Variants in SLC5A2 observed in about 807,000 individuals in gnomAD.
The protein encoded by SLC5A2 is sodium/glucose cotransporter 2.
Under a neutral mutation model 69.0 loss-of-function variants are expected in SLC5A2, and 67 were observed. The observed-to-expected ratio is 0.97, with a 90% confidence interval of 0.80 to 1.19. SLC5A2 has a LOEUF of 1.19. SLC5A2 is among the 50% of genes most tolerant of loss of function. SLC5A2 has a pLI of 0.00. For missense variants in SLC5A2, 1,001 were observed against 921.5 expected, an observed-to-expected ratio of 1.09 and a Z score of -1.12; for synonymous variants, 455 against 395.8, an observed-to-expected ratio of 1.15 and a Z score of -1.78.
chr16:31,485,535 A>G (rs528645637), intron 3 of SLC5A2, 194 bp from the exon 4 acceptor site: 1 of 633,124 alleles, frequency 1.6e-6, no homozygotes, highest in East Asian at 2.7e-5. Context: ...GGAGGGCTCC[A>G]GTTAAGAGCC....
In SLC5A2 at chr16:31,489,137, A is replaced by C. The variant is rs1270811177; in HGVS notation, c.1464A>C (p.Gly488=). ...PRVNEQGAFW[G]LIGGLLMGLA... ...TTCCTTCGCAGGGCGCCTTCTGGGG[A>C]CTCATCGGGGGCCTGCTGATGGGCC... The change falls in exon 12 of 14, where the codon GGA becomes GGC. Residue 488 remains glycine, a synonymous_variant. Coordinates refer to ENST00000330498, the MANE Select transcript of SLC5A2 (RefSeq NM_003041.4). 5 of 1,608,488 alleles carry C rather than the reference A, an allele frequency of 3.1e-6. No individual in the cohort carries two copies. The highest frequency in any genetic ancestry group is 4.2e-6 in the Non-Finnish European group (5 of 1,179,894).
chr16:31,489,720 G>A, intron 12 of SLC5A2: 1 of 450,666 alleles, frequency 2.2e-6, no homozygotes, highest in Non-Finnish European at 4.1e-6. Flanking sequence ...GTGAGGACAG[G>A]ACAAGAGATC....
At position 31,485,042 on chromosome 16, in the gene SLC5A2, G is replaced by T. The variant is rs575840006; in HGVS notation, c.303+119G>T. The T allele has an allele frequency of 1.0e-4, 95 of 928,082 alleles. 1 individual carries two copies. The highest frequency in any genetic ancestry group is 5.5e-4 in the South Asian group (39 of 71,436). The allele number at this position is 928,082 out of a possible 1,614,324, so 57.5% of individuals were successfully genotyped here. A position where few individuals can be genotyped will look rare whatever the true frequency, so the allele number is the denominator to read the frequency against. Reference sequence around the variant, plus strand: ...TGGCAGTGGGACTTCCCAACTGCGGGGTGTGACTGGGCTGGGAGTGGAGGT... The same window carrying T: ...TGGCAGTGGGACTTCCCAACTGCGGTGTGTGACTGGGCTGGGAGTGGAGGT... On this transcript the variant is annotated intron_variant, in intron 3 of 13. Coordinates refer to ENST00000330498, the MANE Select transcript of SLC5A2 (RefSeq NM_003041.4).
At chr16:31,483,295 G>T (rs1397805042) in intron 1 of SLC5A2, 33 bp downstream of exon 1, 1 of 1,613,364 alleles carries the variant, frequency 6.2e-7, no homozygotes, top group Non-Finnish European at 8.5e-7. Flanking sequence ...GCTGGTGGCT[G>T]CTGGCTTTGG....
intron 6 of SLC5A2, 54 bp downstream of exon 6, chr16:31,487,454 G>C (rs1451010265): frequency 9.9e-6 from 16 of 1,611,226 alleles, no homozygotes; most frequent in African/African-American, 1.3e-5. Context: ...CGGAGCTCTC[G>C]GCCTGCGCGC....
chr16:31,488,044 G>A lies in SLC5A2; in HGVS notation c.892G>A (p.Val298Met), dbSNP rs2082514077. 1.2e-6 allele frequency: 2 copies of A among 1,613,536 alleles called. No homozygotes were observed. Among genetic ancestry groups the A allele is most frequent in the East Asian group, 2.2e-5 (1 of 44,868 alleles). ...CTGAACGCCCCTCCCGTAGGTCATCGTGCAGCGCTGCCTGGCCGGGAAGAG... is the reference window on the plus strand; with the variant it reads ...CTGAACGCCCCTCCCGTAGGTCATCATGCAGCGCTGCCTGGCCGGGAAGAG... Reference protein sequence around the residue: ...GWYWCSDQVIVQRCLAGKSLT... With the variant: ...GWYWCSDQVIMQRCLAGKSLT... Residue 298 changes from valine to methionine, a missense_variant, in exon 8 of 14, where the codon GTG (valine) becomes ATG (methionine). Physicochemically the swap from Val to Met is conservative, Grantham distance 21 (BLOSUM62 1). Coordinates refer to ENST00000330498, the MANE Select transcript of SLC5A2 (RefSeq NM_003041.4).
Position 31,490,584 on chromosome 16 carries a change from G to A in SLC5A2, c.*49G>A. ...AGCCACAGCCTCACAGGAAGTGGGGGTGAGGAGCCTGCGGTGCTCCCCAGA... is the reference window on the plus strand; with the variant it reads ...AGCCACAGCCTCACAGGAAGTGGGGATGAGGAGCCTGCGGTGCTCCCCAGA... On this transcript the variant is annotated 3_prime_UTR_variant, in exon 14 of 14. Coordinates refer to ENST00000330498, the MANE Select transcript of SLC5A2 (RefSeq NM_003041.4). The A allele has an allele frequency of 6.8e-7, 1 of 1,473,840 alleles. No individual in the cohort carries two copies. The highest frequency in any genetic ancestry group is 9.4e-7 in the Non-Finnish European group (1 of 1,066,194). 91.3% of individuals were successfully genotyped at this position (1,473,840 alleles called of 1,614,324 possible).
Position 31,489,282 on chromosome 16 carries a change from TC to T in SLC5A2, c.1610del (p.Ser537LeufsTer60), listed in dbSNP as rs1315824877. 6.2e-7 allele frequency: 1 copy of T among 1,610,770 alleles called. No individual in the cohort carries two copies. The highest frequency in any genetic ancestry group is 8.5e-7 in the Non-Finnish European group (1 of 1,180,032). On this transcript the variant is annotated frameshift_variant, in exon 12 of 14. Coordinates refer to ENST00000330498, the MANE Select transcript of SLC5A2 (RefSeq NM_003041.4). LOFTEE classifies it high-confidence loss of function. ...CTTCGCCATTGTGCTGTTCTTCTGC[TC>T]TGGCCTCCTCACCCTCACGGTCTCC... ...LYFAIVLFFC[S>X]GLLTLTVSLC...
In SLC5A2 at chr16:31,487,718, G is replaced by T. The variant is rs1259695381; in HGVS notation, c.844G>T (p.Gly282Ter). ...GDLPWPALLL[G>*]LTIVSGWYWC... ...TCTGCCGTGGCCCGCGCTGCTCCTC[G>T]GACTCACAATCGTCTCGGGCTGGTA... The change falls in exon 7 of 14, where the codon GGA becomes TGA. Residue 282 changes from glycine (G) to a stop codon, truncating the protein, a stop_gained. Transcript: ENST00000330498. LOFTEE classifies it high-confidence loss of function. 1 of 1,612,562 alleles carries T rather than the reference G, an allele frequency of 6.2e-7. No individual in the cohort carries two copies.
rs1232475109 is a variant in SLC5A2 at position 31,489,217 on chromosome 16, C to G, written c.1544C>G (p.Ser515Trp). 1 of 1,610,112 alleles carries G rather than the reference C, an allele frequency of 6.2e-7. No individual in the cohort carries two copies. Among genetic ancestry groups the G allele is most frequent in the African/African-American group, 1.3e-5 (1 of 74,922 alleles). The part of the protein sequence containing the change: ...SFGSGSCVQP[S>W]ACPAFLCGVH... ...GGCTCGGGCAGCTGTGTGCAGCCCT[C>G]GGCGTGCCCAGCTTTCCTCTGCGGC... Residue 515 changes from serine to tryptophan, a missense_variant, in exon 12 of 14, where the codon TCG (serine) becomes TGG (tryptophan). Coordinates refer to ENST00000330498, the MANE Select transcript of SLC5A2 (RefSeq NM_003041.4).
At position 31,490,634 on chromosome 16, in the gene SLC5A2, GAAGGTCCTGGCTCCCCTTCTCCC is replaced by G. The variant is rs2082558453; in HGVS notation, c.*100_*122del. ...AAAAGGGGAAGGGGCAGTGGGGTGA[GAAGGTCCTGGCTCCCCTTCTCCC>G]GGCCTTCCTCTGCCTGGGGCCCACT... On this transcript the variant is annotated 3_prime_UTR_variant, in exon 14 of 14. Transcript: ENST00000330498. 3 of 1,170,130 alleles carry G rather than the reference GAAGGTCCTGGCTCCCCTTCTCCC, an allele frequency of 2.6e-6. No individual in the cohort carries two copies. 72.5% of individuals were successfully genotyped at this position (1,170,130 alleles called of 1,614,324 possible).
rs749157030 is a variant in SLC5A2, at chr16:31,486,252, T to A, written c.551T>A (p.Ile184Asn). The change falls in exon 5 of 14, where the codon ATC becomes AAC. Residue 184 changes from isoleucine to asparagine, a missense_variant. Transcript: ENST00000330498. ...GCCTCCGTCATCGCGCTTCTGGGCA[T>A]CACCATGATTTACACGGTGACAGGT... ...IYASVIALLG[I>N]TMIYTVTGGL... 1 of 1,613,776 alleles carries A rather than the reference T, an allele frequency of 6.2e-7. No individual in the cohort carries two copies. Among genetic ancestry groups the A allele is most frequent in the Non-Finnish European group, 8.5e-7 (1 of 1,179,848 alleles).
chr16:31,489,351 G>A lies in SLC5A2; in HGVS notation c.1665+13G>A, dbSNP rs185753774. 4.2e-3 allele frequency: 6,805 copies of A among 1,604,090 alleles called. 20 individuals carry two copies. Among genetic ancestry groups the A allele is most frequent in the Admixed American group, 5.5e-3 (332 of 59,956 alleles). ...CCCCAGAAAGCACGTGAGTGGCCAG[G>A]TGCCCCAGGCAAGCACTGTGGGACA... On this transcript the variant is annotated intron_variant, in intron 12 of 13. Transcript: ENST00000330498.
chr16:31,485,567 C>A, intron 3 of SLC5A2, 162 bp from the exon 4 acceptor site: 1 of 772,230 alleles, frequency 1.3e-6, no homozygotes, highest in Non-Finnish European at 2.1e-6. Flanking sequence ...CAGCTCTGTT[C>A]CTTGGTGCCC....
rs775629967 is a variant in SLC5A2, at chr16:31,488,614, G to A, written c.1130-8G>A. The A allele has an allele frequency of 1.9e-6, 3 of 1,609,740 alleles. No homozygotes were observed. Among genetic ancestry groups the A allele is most frequent in the South Asian group, 2.2e-5 (2 of 90,922 alleles). On this transcript the variant is annotated splice_region_variant and splice_polypyrimidine_tract_variant and intron_variant, in intron 9 of 13. Coordinates refer to ENST00000330498, the MANE Select transcript of SLC5A2 (RefSeq NM_003041.4). ...GGCCCCAGCCTCACGGCTGCCGTCG[G>A]CCCGCAGGTCTGCGCGGACTCATGC...
rs2082493993 is a variant in SLC5A2, at chr16:31,486,190, T to C, written c.489T>C (p.Ala163=). ...TKISVDMFSG[A]VFIQQALGWN... is the part of the protein sequence containing the mutation. Reference sequence around the variant, plus strand: ...CCAAGGTGGACATGTTCTCCGGAGCTGTATTCATCCAGCAGGCTCTGGGCT... The same window carrying C: ...CCAAGGTGGACATGTTCTCCGGAGCCGTATTCATCCAGCAGGCTCTGGGCT... The change falls in exon 5 of 14, where the codon GCT becomes GCC. Residue 163 remains alanine, a synonymous_variant. Transcript: ENST00000330498. 1 of 1,613,852 alleles carries C rather than the reference T, an allele frequency of 6.2e-7. No individual in the cohort carries two copies. The highest frequency in any genetic ancestry group is 8.5e-7 in the Non-Finnish European group (1 of 1,179,776).
chr16:31,487,497 TA>T (rs1567389181), intron 6 of SLC5A2, 32 bp from the exon 7 acceptor site: 1 of 1,612,218 alleles, frequency 6.2e-7, no homozygotes, highest in South Asian at 1.1e-5. Flanking sequence ...CTGAGGGTCC[TA>T]AGGAGGGTCC....
rs570659516 is a variant in SLC5A2, at chr16:31,487,823, T to C, written c.885+64T>C. Reference sequence around the variant, plus strand: ...GGAGCCGAGACGGGCGGAGCCTGAGTCCCTCCCCGCCTTCCCCACAACGGT... The same window carrying C: ...GGAGCCGAGACGGGCGGAGCCTGAGCCCCTCCCCGCCTTCCCCACAACGGT... On this transcript the variant is annotated intron_variant, in intron 7 of 13. Transcript: ENST00000330498. The C allele has an allele frequency of 2.0e-6, 3 of 1,502,070 alleles. 1 individual carries two copies. Among genetic ancestry groups the C allele is most frequent in the South Asian group, 2.4e-5 (2 of 82,832 alleles). The allele number at this position is 1,502,070 out of a possible 1,614,324, so 93.0% of individuals were successfully genotyped here.
Position 31,489,170 on chromosome 16 carries a change from C to T in SLC5A2, c.1497C>T (p.Arg499=). The change falls in exon 12 of 14, where the codon CGC becomes CGT. Residue 499 remains arginine, a synonymous_variant. Transcript: ENST00000330498. The stretch of plus-strand genomic sequence containing the variant: ...GGGGCCTGCTGATGGGCCTGGCACG[C>T]CTGATTCCCGAGTTCTCCTTCGGCT... The part of the protein sequence containing the change: ...LIGGLLMGLA[R]LIPEFSFGSG... 2 of 1,610,252 alleles carry T rather than the reference C, an allele frequency of 1.2e-6. No homozygotes were observed. The highest frequency in any genetic ancestry group is 1.7e-6 in the Non-Finnish European group (2 of 1,180,014).
Sources: allele counts gnomAD v4.1 joint callset, GRCh38; gene constraint gnomAD v4.1.1; transcripts MANE v1.5; gene names NCBI Gene and HGNC (gene_info 2026-07-23, HGNC 2026-07-21).